TRPM3: variants seen among roughly 807,000 people sequenced by gnomAD.
TRPM3 encodes long transient receptor potential channel 3.
In TRPM3, 77 loss-of-function variants were observed where a neutral mutation model predicts 181.2. The observed-to-expected ratio is 0.42, with a 90% CI of 0.35 to 0.51. The LOEUF is 0.51. Ranked by LOEUF, TRPM3 falls within the 20% of genes least tolerant of loss-of-function variation. TRPM3 has a pLI of 0.01. For missense variants in TRPM3, 1,759 were observed against 2,196.7 expected (o/e 0.80, Z 3.98); for synonymous variants, 745 against 796.4 (o/e 0.94, Z 1.09).
chr9:70,689,596 G>A (rs769391466), intron 8 of TRPM3, among the ~76,000 whole-genome samples: 11 of 151,890 alleles, frequency 7.2e-5, no homozygotes, highest in Non-Finnish European at 1.5e-4. Flanking sequence ...AAGTAACAAA[G>A]CACAGACGGA....
Position 71,200,220 on chromosome 9 carries a change from G to T in TRPM3, c.183+246433C>A, listed in dbSNP as rs2078686514. On this transcript the variant is annotated intron_variant, in intron 1 of 24. Transcript: ENST00000357533. ...CTTAATCCTGAGTTCTAGTTTGATT[G>T]CACTGTGGTCTGAGAGACAGTTTGT... 3.9e-5 allele frequency among the ~76,000 whole-genome samples: 6 copies of T among 152,128 alleles called. No individual in the cohort carries two copies. In the South Asian group the frequency reaches 1.3e-3, roughly 32 times the overall value.
At chr9:70,901,967 A>G (rs1037581828) in intron 1 of TRPM3, among the ~76,000 whole-genome samples, 2 of 152,184 alleles carry the variant, frequency 1.3e-5, no homozygotes, top group Non-Finnish European at 2.9e-5. Context: ...TGCCGCAATT[A>G]GGATAAGATA....
At chr9:70,539,473 ATTT>A (rs57538597) in intron 25 of TRPM3, among the ~76,000 whole-genome samples, 4 of 137,526 alleles carry the variant, frequency 2.9e-5, no homozygotes, top group Non-Finnish European at 4.7e-5. Flanking sequence ...CCTGCTTGTA[ATTT>A]TTTTTTTTTT....
At chr9:70,824,659 A>G (rs2093432759) in intron 6 of TRPM3, 1 of 151,980 alleles carries the variant, frequency 6.6e-6, no homozygotes, top group Non-Finnish European at 1.5e-5. Context: ...AACTCCTGAC[A>G]TCGTGATCCA....
chr9:70,862,290 A>C (rs2095542140), intron 3 of TRPM3, among the ~76,000 whole-genome samples: 1 of 152,150 alleles, frequency 6.6e-6, no homozygotes, highest in Admixed American at 6.5e-5. Flanking sequence ...TTAAAAGCAA[A>C]AACTCTTAGA....
At position 70,846,470 on chromosome 9, in the gene TRPM3, A is replaced by G. The variant is rs2094958303; in HGVS notation, c.584T>C (p.Leu195Pro). ...SVHGGLQNFE[L>P]QPKLKQVFGK... The stretch of plus-strand genomic sequence containing the variant: ...AAAGACTTGCTTGAGTTTTGGCTGG[A>G]GTTCAAAGTTCTGCAGGCCCCCATG... Residue 195 changes from leucine (L) to proline (P), a missense_variant, in exon 4 of 26, where the codon CTC becomes CCC. Physicochemically the swap from Leu to Pro is moderately conservative, Grantham distance 98. Around this residue, in one of 8 missense-constraint regions of TRPM3, gnomAD observed 737 missense variants for 957.4 expected, o/e 0.77. Transcript: ENST00000677713. The G allele has an allele frequency of 1.2e-6, 2 of 1,613,964 alleles. No individual in the cohort carries two copies. The highest frequency in any genetic ancestry group is 1.7e-5 in the Admixed American group (1 of 59,986).
At chr9:70,935,602 T>C (rs973010887) in intron 1 of TRPM3, among the ~76,000 whole-genome samples, 1 of 152,184 alleles carries the variant, frequency 6.6e-6, no homozygotes, top group African/African-American at 2.4e-5. Context: ...GTATCTACCT[T>C]GCTCTCTTTA....
At chr9:71,150,122 T>C (rs1222702401) in intron 1 of TRPM3, among the ~76,000 whole-genome samples, 1 of 151,984 alleles carries the variant, frequency 6.6e-6, no homozygotes, top group Non-Finnish European at 1.5e-5. Context: ...AGAAATGTTG[T>C]AGAATTTAAA....
chr9:71,161,617 T>C (rs2076276179), intron 1 of TRPM3, among the ~76,000 whole-genome samples: 1 of 152,118 alleles, frequency 6.6e-6, no homozygotes, highest in African/African-American at 2.4e-5. Flanking sequence ...GTTTCAGAAA[T>C]GCAGATTCAA....
chr9:71,236,302 A>C (rs899598000), intron 1 of TRPM3, among the ~76,000 whole-genome samples: 142 of 152,070 alleles, frequency 9.3e-4, no homozygotes, highest in African/African-American at 3.2e-3. Flanking sequence ...CAGTAAATTA[A>C]GGTGTGATTT....
At chr9:71,195,513 T>C (rs907084774) in intron 1 of TRPM3, among the ~76,000 whole-genome samples, 5 of 151,898 alleles carry the variant, frequency 3.3e-5, no homozygotes, top group African/African-American at 1.2e-4. Flanking sequence ...TTGGTGGGAG[T>C]ATAAATTAGT....
chr9:70,870,169 G>A (rs548107498), intron 1 of TRPM3, among the ~76,000 whole-genome samples: 1 of 151,950 alleles, frequency 6.6e-6, no homozygotes, highest in Non-Finnish European at 1.5e-5. Context: ...GTGTCATGTG[G>A]ACACTCAATA....
intron 22 of TRPM3, among the ~76,000 whole-genome samples, chr9:70,565,454 C>T (rs1462104644): frequency 6.6e-6 from 1 of 152,072 alleles, no homozygotes; most frequent in African/African-American, 2.4e-5. Context: ...CTACCATGCC[C>T]AACTGATTTT....
intron 1 of TRPM3, among the ~76,000 whole-genome samples, chr9:71,314,336 G>C (rs544122044): frequency 3.3e-5 from 5 of 152,092 alleles, no homozygotes; most frequent in Admixed American, 2.0e-4. Flanking sequence ...TTTCCACATA[G>C]TCCTGCCTTC....
chr9:71,383,185 T>C (rs1379019951), intron 1 of TRPM3, among the ~76,000 whole-genome samples: 3 of 152,222 alleles, frequency 2.0e-5, no homozygotes, highest in Non-Finnish European at 4.4e-5. Flanking sequence ...CTCCAACTGA[T>C]ACATACACAT....
intron 1 of TRPM3, among the ~76,000 whole-genome samples, chr9:71,270,303 C>T (rs529556254): frequency 6.6e-6 from 1 of 152,190 alleles, no homozygotes; most frequent in Admixed American, 6.5e-5. Flanking sequence ...TGAGCCAAGA[C>T]GGTGCCACTG....
chr9:71,369,255 TGGA>T (rs1332543360), intron 1 of TRPM3, among the ~76,000 whole-genome samples: 1 of 152,010 alleles, frequency 6.6e-6, no homozygotes, highest in African/African-American at 2.4e-5. Context: ...GTAATGCTGA[TGGA>T]GGAGAAAAAA....
intron 1 of TRPM3, among the ~76,000 whole-genome samples, chr9:71,174,291 A>C (rs1831312): frequency 0.68 from 103,123 of 151,966 alleles, 35,357 homozygotes; most frequent in African/African-American, 0.78. Flanking sequence ...CCTGTAATCC[A>C]AGCAATTTGG....
rs184235223 is a variant in TRPM3, at chr9:71,229,163, A to G, written c.183+217490T>C. ...GATTAGAGAATCCAGAAACAAATCCATATGTCAAGAGTGAACTCATTTTTG... is the reference window on the plus strand; with the variant it reads ...GATTAGAGAATCCAGAAACAAATCCGTATGTCAAGAGTGAACTCATTTTTG... On this transcript the variant is annotated intron_variant, in intron 1 of 24. Transcript: ENST00000357533. Among the ~76,000 whole-genome samples the G allele has an allele frequency of 4.6e-5, 7 of 152,300 alleles. No individual in the cohort carries two copies. The East Asian group carries it at 1.2e-3, about 25-fold the overall frequency.
Sources: gnomAD v4.1 joint callset for allele counts (sites outside exome capture counted in the v4.1 genomes callset) on GRCh38, gnomAD v4.1.1 for gene constraint, gnomAD v4.1.1 regional missense constraint, MANE v1.5 for transcripts, NCBI Gene and HGNC (gene_info 2026-07-23, HGNC 2026-07-21) for gene names.